Variants in PAPPA observed in about 807,000 individuals in gnomAD.
PAPPA encodes the protein pappalysin-1.
In PAPPA, 60 loss-of-function variants were observed where a neutral mutation model predicts 164.0. The ratio of observed to expected loss-of-function variants is 0.37; its 90% CI spans 0.30 to 0.45. The LOEUF (loss-of-function observed/expected upper bound fraction) is 0.45, where lower values mean the gene tolerates loss of function less well. Ranked by LOEUF, PAPPA falls within the 20% of genes least tolerant of loss-of-function variation. The pLI is 1.00. For missense variants in PAPPA, 1,782 were observed against 2,087.3 expected, an observed-to-expected ratio of 0.85 and a Z score of 2.85; for synonymous variants, 875 against 814.1, an observed-to-expected ratio of 1.07 and a Z score of -1.27.
At chr9:116,376,021 A>ATTTTTTT (rs34549794) in intron 19 of PAPPA, among the ~76,000 whole-genome samples, 1 of 135,696 alleles carries the variant, frequency 7.4e-6, no homozygotes, top group Non-Finnish European at 1.6e-5. Context: ...AACTTCCAGG[A>ATTTTTTT]TTTTTTTTTT....
intron 9 of PAPPA, among the ~76,000 whole-genome samples, chr9:116,290,812 A>G (rs955407320): frequency 3.3e-5 from 5 of 151,680 alleles, no homozygotes; most frequent in African/African-American, 1.2e-4. Context: ...CACTCTCTGC[A>G]TATCCATGTT....
rs561804790 is a variant in PAPPA at position 116,272,753 on chromosome 9, A to T, written c.2953+1337A>T. 9.2e-5 allele frequency among the ~76,000 whole-genome samples: 14 copies of T among 152,312 alleles called. No individual in the cohort carries two copies. The South Asian group carries it at 1.4e-3, about 16-fold the overall frequency. On this transcript the variant is annotated intron_variant, in intron 9 of 21. Coordinates refer to ENST00000328252, the MANE Select transcript of PAPPA (RefSeq NM_002581.5). ...ATTTGAATATGGTCCGGTCCCTAGTAAAAGCTTGATATTAGCCTAGTGATG... is the reference window on the plus strand; with the variant it reads ...ATTTGAATATGGTCCGGTCCCTAGTTAAAGCTTGATATTAGCCTAGTGATG...
At chr9:116,202,641 C>T (rs763445659) in intron 2 of PAPPA, among the ~76,000 whole-genome samples, 1 of 152,100 alleles carries the variant, frequency 6.6e-6, no homozygotes, top group Non-Finnish European at 1.5e-5. Flanking sequence ...TCAGGAGGGA[C>T]ATTTCAATCT....
At chr9:116,392,593 C>T (rs542159328) in intron 21 of PAPPA, among the ~76,000 whole-genome samples, 5 of 152,336 alleles carry the variant, frequency 3.3e-5, no homozygotes, top group South Asian at 2.1e-4. Context: ...TTAGACCTAG[C>T]AATACCTGAA....
At position 116,399,422 on chromosome 9, in the gene PAPPA, A is replaced by T. The variant is rs1847016632; in HGVS notation, c.*2806A>T. ...AGGGTCAGCTCAATTTGGGCAATGC[A>T]TTTGTTCCCAGTTTCATTTTCTTCC... On this transcript the variant is annotated 3_prime_UTR_variant, in exon 22 of 22. Transcript: ENST00000328252. The T allele has an allele frequency of 6.6e-6, 1 of 152,512 alleles. No homozygotes were observed. The highest frequency in any genetic ancestry group is 1.9e-4 in the East Asian group (1 of 5,184). The allele number at this position is 152,512 out of a possible 1,614,324, so 9.4% of individuals were successfully genotyped here.
intron 4 of PAPPA, among the ~76,000 whole-genome samples, chr9:116,218,110 C>T (rs141177995): frequency 8.0e-4 from 122 of 152,248 alleles, no homozygotes; most frequent in Non-Finnish European, 1.2e-3. Context: ...GAGATTTACT[C>T]GGTTATTCAC....
chr9:116,245,177 G>C (rs1453696824), intron 7 of PAPPA, among the ~76,000 whole-genome samples: 1 of 151,332 alleles, frequency 6.6e-6, no homozygotes, highest in East Asian at 1.9e-4. Context: ...AATGGAAGGG[G>C]GTGGATGATG....
chr9:116,229,139 A>C (rs1844554152), intron 6 of PAPPA, among the ~76,000 whole-genome samples: 1 of 152,172 alleles, frequency 6.6e-6, no homozygotes, highest in Non-Finnish European at 1.5e-5. Context: ...CCCATGCAGA[A>C]CTGGAGACTC....
intron 10 of PAPPA, among the ~76,000 whole-genome samples, chr9:116,305,334 A>G (rs1313760452): frequency 2.0e-5 from 3 of 152,166 alleles, no homozygotes; most frequent in Admixed American, 2.0e-4. Context: ...CAGGGCTTCC[A>G]GTGAAGATGT....
At chr9:116,189,795 C>T (rs572875696) in intron 2 of PAPPA, among the ~76,000 whole-genome samples, 1 of 152,316 alleles carries the variant, frequency 6.6e-6, no homozygotes, top group South Asian at 2.1e-4. Context: ...TTTCTGCTGA[C>T]TCTTCTCTTT....
chr9:116,383,730 C>T (rs1463688283), intron 21 of PAPPA, among the ~76,000 whole-genome samples: 4 of 152,176 alleles, frequency 2.6e-5, no homozygotes, highest in African/African-American at 4.8e-5. Flanking sequence ...CTGGGATTGT[C>T]CAGGATCAGT....
At chr9:116,386,497 A>G (rs1298591848) in intron 21 of PAPPA, among the ~76,000 whole-genome samples, 1 of 152,182 alleles carries the variant, frequency 6.6e-6, no homozygotes, top group Non-Finnish European at 1.5e-5. Flanking sequence ...AGAGGTCACT[A>G]TTCTTATTCC....
intron 10 of PAPPA, among the ~76,000 whole-genome samples, chr9:116,328,853 AAAGAC>A (rs1436568537): frequency 6.6e-6 from 1 of 152,244 alleles, no homozygotes; most frequent in Non-Finnish European, 1.5e-5. Context: ...CTAAGGGCCA[AAAGAC>A]AAGACAACTT....
At chr9:116,260,931 T>C (rs544809800) in intron 7 of PAPPA, among the ~76,000 whole-genome samples, 3 of 152,352 alleles carry the variant, frequency 2.0e-5, no homozygotes, top group African/African-American at 7.2e-5. Context: ...AAACAAAGTC[T>C]TTTGATTTCT....
At chr9:116,186,206 ATGTG>A (rs3037575) in intron 1 of PAPPA, among the ~76,000 whole-genome samples, 6,673 of 144,680 alleles carry the variant, frequency 0.046, 296 homozygotes, top group African/African-American at 0.12. Context: ...CACTCATTAT[ATGTG>A]TGTGTGTGTG....
intron 20 of PAPPA, among the ~76,000 whole-genome samples, chr9:116,378,815 GCTGC>G (rs1425845682): frequency 7.9e-5 from 12 of 152,150 alleles, no homozygotes; most frequent in African/African-American, 2.9e-4. Context: ...CTTTTCTCCT[GCTGC>G]CTGCCTATGA....
At chr9:116,264,432 C>T (rs1845041864) in intron 7 of PAPPA, among the ~76,000 whole-genome samples, 2 of 152,232 alleles carry the variant, frequency 1.3e-5, no homozygotes, top group Non-Finnish European at 1.5e-5. Flanking sequence ...CTAAAACAAA[C>T]TCCCTTTGGG....
chr9:116,386,106 T>C (rs1030227983), intron 21 of PAPPA, among the ~76,000 whole-genome samples: 1 of 152,176 alleles, frequency 6.6e-6, no homozygotes, highest in African/African-American at 2.4e-5. Context: ...ACATGAAGTA[T>C]GGATTAGAGA....
intron 19 of PAPPA, among the ~76,000 whole-genome samples, chr9:116,370,804 G>A (rs776599705): frequency 6.6e-6 from 1 of 152,164 alleles, no homozygotes; most frequent in Non-Finnish European, 1.5e-5. Context: ...GTCATGATGT[G>A]GACACCAGGA....
Sources: gnomAD v4.1 joint callset for allele counts (sites outside exome capture counted in the v4.1 genomes callset) on GRCh38, gnomAD v4.1.1 for gene constraint, MANE v1.5 for transcripts, NCBI Gene and HGNC (gene_info 2026-07-23, HGNC 2026-07-21) for gene names.